The following SYNJ2BP variants were observed in gnomAD, a reference collection of about 807,000 sequenced individuals.
SYNJ2BP encodes synaptojanin-2-binding protein.
Under a neutral mutation model 16.9 loss-of-function variants are expected in SYNJ2BP, and 10 were observed. The observed-to-expected ratio is 0.59, with a 90% CI of 0.36 to 1.00. The LOEUF is 1.00. Ranked by LOEUF, SYNJ2BP falls within the 50% of genes least tolerant of loss-of-function variation. The pLI is 0.01. For missense variants in SYNJ2BP, 162 were observed against 186.7 expected (o/e 0.87, Z 0.77); for synonymous variants, 54 against 68.4 (o/e 0.79, Z 1.04).
intron 1 of SYNJ2BP, among the ~76,000 whole-genome samples, chr14:70,403,149 A>C (rs1331695324): frequency 5.9e-5 from 9 of 152,226 alleles, no homozygotes; most frequent in African/African-American, 2.2e-4. Context: ...ACAACTGTTT[A>C]GGGCAATGGA....
rs142060336 is a variant in SYNJ2BP at position 70,394,795 on chromosome 14, C to T, written c.65-6189G>A. On this transcript the variant is annotated intron_variant, in intron 1 of 3. Coordinates refer to ENST00000256366, the MANE Select transcript of SYNJ2BP (RefSeq NM_018373.3). ...ACCTTATTATGTACCAAATAATATG[C>T]TATGTACTTTATATATATTATCTCA... Among the ~76,000 whole-genome samples, 532 of 152,246 alleles carry T rather than the reference C, an allele frequency of 3.5e-3. 2 individuals are homozygous for T. Among genetic ancestry groups the T allele is most frequent in the African/African-American group, 0.012 (505 of 41,550 alleles).
intron 1 of SYNJ2BP, among the ~76,000 whole-genome samples, chr14:70,409,285 T>G (rs1449372803): frequency 6.6e-6 from 1 of 152,256 alleles, no homozygotes; most frequent in Non-Finnish European, 1.5e-5. Flanking sequence ...TTCCTAATCA[T>G]AGTGTAGGCA....
chr14:70,416,319 T>A lies in SYNJ2BP; in HGVS notation c.64+581A>T, dbSNP rs1412780200. Among the ~76,000 whole-genome samples the A allele has an allele frequency of 4.8e-4, 9 of 18,842 alleles. No homozygotes were observed. In the African/African-American group the frequency reaches 0.016, roughly 33 times the overall value. The allele number at this position is 18,842 out of a possible 152,430, so 12.4% of individuals were successfully genotyped here. A position where few individuals can be genotyped will look rare whatever the true frequency, so the allele number is the denominator to read the frequency against. On this transcript the variant is annotated intron_variant, in intron 1 of 3. Coordinates refer to ENST00000256366, the MANE Select transcript of SYNJ2BP (RefSeq NM_018373.3). ...GATAAGATTTAACTTTTTATTTTCT[T>A]TTTTTTTTTTTTTTTTAAAGCCCTG...
intron 1 of SYNJ2BP, among the ~76,000 whole-genome samples, chr14:70,404,676 G>A (rs1392414441): frequency 6.6e-6 from 1 of 152,104 alleles, no homozygotes; most frequent in African/African-American, 2.4e-5. Context: ...TAAAGTTACC[G>A]TCAATATATA....
Position 70,417,014 on chromosome 14 carries a change from G to T in SYNJ2BP, c.-51C>A, listed in dbSNP as rs1309897363. ...CTTGGGTCAGCTGGAGTGCAGCACA[G>T]GTGAAGGTGAATCAATCTCGGCGCT... is the stretch of plus-strand genomic sequence containing the variant. On this transcript the variant is annotated 5_prime_UTR_variant, in exon 1 of 4. It adds an upstream start codon to the 5' untranslated region. Coordinates refer to ENST00000256366, the MANE Select transcript of SYNJ2BP (RefSeq NM_018373.3). The T allele has an allele frequency of 6.2e-6, 10 of 1,613,562 alleles. No homozygotes were observed. Among genetic ancestry groups the T allele is most frequent in the African/African-American group, 1.3e-5 (1 of 75,020 alleles).
rs530067652 is a variant in SYNJ2BP, at chr14:70,373,031, A to G, written c.398T>C (p.Val133Ala). 30 of 1,614,158 alleles carry G rather than the reference A, an allele frequency of 1.9e-5. No individual in the cohort carries two copies. Among genetic ancestry groups the G allele is most frequent in the Admixed American group, 5.0e-5 (3 of 60,004 alleles). Residue 133 changes from valine to alanine, a missense_variant, in exon 4 of 4, where the codon GTA becomes GCA. Transcript: ENST00000256366. ...GTATCTCATGAAAGCCCAGGCTGCT[A>G]CCATGGTGAGGGCAAACACTGGCAC... ...VLVPVFALTMVAAWAFMRYRQ... is the reference protein window; with the variant it reads ...VLVPVFALTMAAAWAFMRYRQ...
Position 70,416,939 on chromosome 14 carries a change from C to A in SYNJ2BP, c.25G>T (p.Val9Phe). 6.2e-7 allele frequency: 1 copy of A among 1,614,148 alleles called. No homozygotes were observed. The change falls in exon 1 of 4, where the codon GTC becomes TTC. Residue 9 changes from valine (V) to phenylalanine (F), a missense_variant. Val to Phe is a conservative substitution (Grantham distance 50). Transcript: ENST00000256366. MNGRVDYL[V>F]TEEEINLTRG... ...GTAAGATTGATCTCTTCCTCAGTGACCAAATAATCCACTCTTCCGTTCATG... is the reference window on the plus strand; with the variant it reads ...GTAAGATTGATCTCTTCCTCAGTGAACAAATAATCCACTCTTCCGTTCATG...
At chr14:70,414,551 C>A (rs7144371) in intron 1 of SYNJ2BP, among the ~76,000 whole-genome samples, 11 of 152,190 alleles carry the variant, frequency 7.2e-5, no homozygotes, top group African/African-American at 2.7e-4. Flanking sequence ...AAGATTTCAT[C>A]TTTAGAACAA....
chr14:70,409,874 G>A (rs1332017480), intron 1 of SYNJ2BP, among the ~76,000 whole-genome samples: 2 of 152,104 alleles, frequency 1.3e-5, no homozygotes, highest in Non-Finnish European at 2.9e-5. Flanking sequence ...ACTGTGGGAG[G>A]CTGAGGTGGA....
chr14:70,415,048 T>A (rs1888571616), intron 1 of SYNJ2BP, among the ~76,000 whole-genome samples: 4 of 152,050 alleles, frequency 2.6e-5, no homozygotes, highest in Non-Finnish European at 5.9e-5. Context: ...TCCATTAAGA[T>A]TAGTGATAGG....
intron 1 of SYNJ2BP, among the ~76,000 whole-genome samples, chr14:70,390,158 G>A (rs7141890): frequency 0.017 from 2,628 of 151,672 alleles, 51 homozygotes; most frequent in African/African-American, 0.041. Flanking sequence ...TACAGAAACC[G>A]TTGTTAGGAA....
At chr14:70,395,522 A>C (rs191501004) in intron 1 of SYNJ2BP, among the ~76,000 whole-genome samples, 1 of 150,148 alleles carries the variant, frequency 6.7e-6, no homozygotes, top group African/African-American at 2.5e-5. Flanking sequence ...CAAACACCCT[A>C]TTTTCCCTTT....
At position 70,375,763 on chromosome 14, in the gene SYNJ2BP, G is replaced by A. The variant is rs1887617198; in HGVS notation, c.210C>T (p.Gly70=). 1.2e-6 allele frequency: 2 copies of A among 1,613,870 alleles called. No individual in the cohort carries two copies. Among genetic ancestry groups the A allele is most frequent in the East Asian group, 4.5e-5 (2 of 44,876 alleles). Reference sequence around the variant, plus strand: ...GGTGCAGCAGGTTCTTTAGGTCTTGGCCATTTACCTGTCAAAACACCAAAG... The same window carrying A: ...GGTGCAGCAGGTTCTTTAGGTCTTGACCATTTACCTGTCAAAACACCAAAG... ...QEGDKILSVN[G]QDLKNLLHQD... The change falls in exon 3 of 4, where the codon GGC becomes GGT. Residue 70 remains glycine, a synonymous_variant. Coordinates refer to ENST00000256366, the MANE Select transcript of SYNJ2BP (RefSeq NM_018373.3).
chr14:70,399,748 A>G (rs1478495358), intron 1 of SYNJ2BP, among the ~76,000 whole-genome samples: 1 of 151,556 alleles, frequency 6.6e-6, no homozygotes, highest in Non-Finnish European at 1.5e-5. Flanking sequence ...AGAGGGTGTT[A>G]ATTTGTGGAA....
intron 1 of SYNJ2BP, among the ~76,000 whole-genome samples, chr14:70,408,932 C>T (rs1212528311): frequency 6.6e-6 from 1 of 151,996 alleles, no homozygotes; most frequent in Non-Finnish European, 1.5e-5. Context: ...CTCCTAGGTT[C>T]AAGCAATTCT....
At chr14:70,383,974 T>C (rs927874009) in intron 2 of SYNJ2BP, among the ~76,000 whole-genome samples, 1 of 151,964 alleles carries the variant, frequency 6.6e-6, no homozygotes, top group African/African-American at 2.4e-5. Context: ...TTTTTTTTTT[T>C]TGAGATGGAG....
In SYNJ2BP at chr14:70,397,483, G is replaced by T. The variant is rs1888125833; in HGVS notation, c.65-8877C>A. ...GTTGTTTTGTTATGGGAACTTTGGG[G>T]TGTCACTTTTCTGGCAGGAGACCTC... On this transcript the variant is annotated intron_variant, in intron 1 of 3. Transcript: ENST00000256366. Among the ~76,000 whole-genome samples the T allele has an allele frequency of 2.6e-5, 4 of 152,280 alleles. No individual in the cohort carries two copies. In the South Asian group the frequency reaches 8.3e-4, roughly 32 times the overall value.
chr14:70,377,217 T>A (rs1461478705), intron 2 of SYNJ2BP, among the ~76,000 whole-genome samples: 1 of 152,230 alleles, frequency 6.6e-6, no homozygotes. Context: ...TCCTTGCCCA[T>A]CTAGGAGTTC....
At position 70,371,387 on chromosome 14, in the gene SYNJ2BP, T is replaced by A. The variant is rs928660753; in HGVS notation, c.*1604A>T. The A allele has an allele frequency of 2.0e-5, 3 of 152,274 alleles. No homozygotes were observed. Among genetic ancestry groups the A allele is most frequent in the Non-Finnish European group, 4.4e-5 (3 of 68,104 alleles). The allele number at this position is 152,274 out of a possible 1,614,324, so 9.4% of individuals were successfully genotyped here. On this transcript the variant is annotated 3_prime_UTR_variant, in exon 4 of 4. Coordinates refer to ENST00000256366, the MANE Select transcript of SYNJ2BP (RefSeq NM_018373.3). Reference sequence around the variant, plus strand: ...TTTATTAAAAGCCGTATGTAGTGTATAAAGCCTTTCAAAAATACTAGCAAT... The same window carrying A: ...TTTATTAAAAGCCGTATGTAGTGTAAAAAGCCTTTCAAAAATACTAGCAAT...
Sources: gnomAD v4.1 joint callset for allele counts (sites outside exome capture counted in the v4.1 genomes callset) on GRCh38, gnomAD v4.1.1 for gene constraint, MANE v1.5 for transcripts, NCBI Gene and HGNC (gene_info 2026-07-23, HGNC 2026-07-21) for gene names.